FSTL5: variants seen among roughly 807,000 people sequenced by gnomAD.
FSTL5 encodes the protein follistatin-related protein 5.
Under a neutral mutation model 89.1 loss-of-function variants are expected in FSTL5, and 62 were observed. The observed-to-expected ratio is 0.70, with a 90% CI of 0.57 to 0.86. The LOEUF (loss-of-function observed/expected upper bound fraction) is 0.86. Ranked by LOEUF, FSTL5 falls within the 40% of genes least tolerant of loss-of-function variation. FSTL5 has a pLI of 0.00. For missense variants in FSTL5, 1,057 were observed against 1,001.6 expected, an observed-to-expected ratio of 1.06 and a Z score of -0.75; for synonymous variants, 383 against 346.2, an observed-to-expected ratio of 1.11 and a Z score of -1.18.
rs188733786 is a variant in FSTL5, at chr4:161,597,373, C to G, written c.895-9798G>C. ...AAACCATCATTCTCAGCAAACTATC[C>G]CAAGGACAAAAAACCAAACACCGCA... On this transcript the variant is annotated intron_variant, in intron 7 of 15. Transcript: ENST00000306100. 6.1e-3 allele frequency among the ~76,000 whole-genome samples: 910 copies of G among 149,626 alleles called. 7 individuals are homozygous for G. Among genetic ancestry groups the G allele is most frequent in the African/African-American group, 0.021 (866 of 40,686 alleles).
chr4:161,995,650 G>A (rs75895102), intron 3 of FSTL5, among the ~76,000 whole-genome samples: 7,893 of 152,038 alleles, frequency 0.052, 252 homozygotes, highest in Non-Finnish European at 0.077. Context: ...CACATCGGAA[G>A]TATACATTAT....
intron 2 of FSTL5, among the ~76,000 whole-genome samples, chr4:162,047,086 C>T (rs1452267842): frequency 2.6e-5 from 4 of 151,778 alleles, no homozygotes; most frequent in Non-Finnish European, 4.4e-5. Context: ...TTCCAGATAC[C>T]CCCAGGTAAG....
At chr4:161,685,021 A>AT (rs1274377668) in intron 6 of FSTL5, among the ~76,000 whole-genome samples, 1 of 151,640 alleles carries the variant, frequency 6.6e-6, no homozygotes, top group Non-Finnish European at 1.5e-5. Context: ...TCCCCTTTTT[A>AT]TTTTTTTGTT....
chr4:161,824,499 T>C (rs1730605080), intron 4 of FSTL5, among the ~76,000 whole-genome samples: 1 of 152,170 alleles, frequency 6.6e-6, no homozygotes, highest in South Asian at 2.1e-4. Context: ...ATGTGGGTTC[T>C]TTTTTGGTTT....
intron 6 of FSTL5, among the ~76,000 whole-genome samples, chr4:161,727,041 T>C (rs1167825901): frequency 2.0e-5 from 3 of 152,022 alleles, no homozygotes; most frequent in African/African-American, 7.2e-5. Flanking sequence ...TTCAGAAAAT[T>C]GAGGCATTTT....
intron 3 of FSTL5, among the ~76,000 whole-genome samples, chr4:161,925,517 T>G (rs1734097046): frequency 6.6e-6 from 1 of 151,878 alleles, no homozygotes; most frequent in African/African-American, 2.4e-5. Context: ...GCTTCAGTTT[T>G]CTCATTTAAC....
At chr4:161,925,814 G>C (rs1734106107) in intron 3 of FSTL5, among the ~76,000 whole-genome samples, 1 of 151,750 alleles carries the variant, frequency 6.6e-6, no homozygotes, top group African/African-American at 2.4e-5. Flanking sequence ...CATTGGAAAT[G>C]CATTTAGGGG....
intron 6 of FSTL5, among the ~76,000 whole-genome samples, chr4:161,717,326 G>C (rs1739021265): frequency 6.6e-6 from 1 of 152,146 alleles, no homozygotes; most frequent in Non-Finnish European, 1.5e-5. Flanking sequence ...CAATAGGAAA[G>C]GTCATCTCTT....
chr4:161,425,031 T>C (rs977434985), intron 15 of FSTL5, among the ~76,000 whole-genome samples: 1 of 152,202 alleles, frequency 6.6e-6, no homozygotes, highest in Non-Finnish European at 1.5e-5. Context: ...TACATTTTGT[T>C]GGAAGGAGCC....
At chr4:161,786,706 AT>A (rs1445932976) in intron 4 of FSTL5, among the ~76,000 whole-genome samples, 3 of 152,136 alleles carry the variant, frequency 2.0e-5, no homozygotes, top group Admixed American at 1.3e-4. Flanking sequence ...CTAGACATGT[AT>A]CTACCATTCT....
At chr4:162,078,139 T>C (rs1480222983) in intron 2 of FSTL5, among the ~76,000 whole-genome samples, 1 of 151,828 alleles carries the variant, frequency 6.6e-6, no homozygotes, top group Non-Finnish European at 1.5e-5. Flanking sequence ...ACACAGAAGG[T>C]AGAAGTTTTC....
At chr4:161,684,433 C>A (rs1400988530) in intron 6 of FSTL5, among the ~76,000 whole-genome samples, 1 of 152,086 alleles carries the variant, frequency 6.6e-6, no homozygotes, top group Admixed American at 6.6e-5. Context: ...TTCACGCCAA[C>A]ATCTATTGTT....
intron 8 of FSTL5, among the ~76,000 whole-genome samples, chr4:161,582,519 A>T (rs1361222829): frequency 6.6e-6 from 1 of 152,220 alleles, no homozygotes; most frequent in African/African-American, 2.4e-5. Context: ...GACATAAAAA[A>T]CATGCGTTTA....
intron 7 of FSTL5, among the ~76,000 whole-genome samples, chr4:161,619,846 C>T (rs1247430817): frequency 1.3e-5 from 2 of 152,030 alleles, no homozygotes; most frequent in Admixed American, 1.3e-4. Context: ...TGGGTATATA[C>T]CCAAAGGACT....
intron 13 of FSTL5, among the ~76,000 whole-genome samples, chr4:161,468,835 TATTA>T (rs1270536923): frequency 3.3e-5 from 5 of 152,170 alleles, no homozygotes; most frequent in Non-Finnish European, 7.4e-5. Context: ...ATTCTGATAG[TATTA>T]ATTGTGACTT....
At chr4:161,497,900 T>C (rs1384545933) in intron 12 of FSTL5, among the ~76,000 whole-genome samples, 1 of 151,916 alleles carries the variant, frequency 6.6e-6, no homozygotes, top group Non-Finnish European at 1.5e-5. Flanking sequence ...ATTTCCTCTT[T>C]AATATTTAAT....
chr4:161,660,729 G>A (rs1736676795), intron 6 of FSTL5, among the ~76,000 whole-genome samples: 1 of 152,014 alleles, frequency 6.6e-6, no homozygotes, highest in Admixed American at 6.6e-5. Flanking sequence ...GTGGTATTTG[G>A]TCTTCTGTTC....
At chr4:161,444,042 TTTTTA>T (rs1226628438) in intron 15 of FSTL5, among the ~76,000 whole-genome samples, 2 of 151,920 alleles carry the variant, frequency 1.3e-5, no homozygotes, top group African/African-American at 4.8e-5. Context: ...AAAATCTGAG[TTTTTA>T]TTTTCTTTCC....
At chr4:161,969,413 C>G (rs938845083) in intron 3 of FSTL5, among the ~76,000 whole-genome samples, 1 of 152,048 alleles carries the variant, frequency 6.6e-6, no homozygotes, top group Non-Finnish European at 1.5e-5. Context: ...AGCGATCTAT[C>G]TATAGAACCA....
Sources: gnomAD v4.1 joint callset for allele counts (sites outside exome capture counted in the v4.1 genomes callset) on GRCh38, gnomAD v4.1.1 for gene constraint, MANE v1.5 for transcripts, NCBI Gene and HGNC (gene_info 2026-07-23, HGNC 2026-07-21) for gene names.